Variants in MYO6 observed in about 807,000 individuals in gnomAD.
MYO6 encodes myosin VI.
A neutral mutation model predicts 178.7 loss-of-function variants in MYO6; 74 were observed. The ratio of observed to expected loss-of-function variants is 0.41; its 90% CI spans 0.34 to 0.50. MYO6 has a LOEUF of 0.50. MYO6 is among the 20% of genes least tolerant of loss of function. The pLI is 0.09. For missense variants in MYO6, 1,330 were observed against 1,547.4 expected, an observed-to-expected ratio of 0.86 and a Z score of 2.36; for synonymous variants, 477 against 504.6, an observed-to-expected ratio of 0.95 and a Z score of 0.73.
intron 16 of MYO6, among the ~76,000 whole-genome samples, chr6:75,863,505 GAC>G (rs1776379637): frequency 6.6e-6 from 1 of 150,938 alleles, no homozygotes; most frequent in South Asian, 2.1e-4. Context: ...TTTTTTTTGA[GAC>G]AGAGTTTCGC....
At chr6:75,873,333 T>C in intron 20 of MYO6, 33 bp downstream of exon 20, 1 of 1,454,994 alleles carries the variant, frequency 6.9e-7, no homozygotes, top group East Asian at 2.3e-5. Context: ...TGTGTGTTAG[T>C]AGTCATAGCT....
chr6:75,771,202 A>G (rs546820602), intron 1 of MYO6, among the ~76,000 whole-genome samples: 2 of 152,020 alleles, frequency 1.3e-5, no homozygotes, highest in African/African-American at 4.8e-5. Context: ...GGGTTTCATC[A>G]TGTTGTCCAG....
rs2149436737 is a variant in MYO6 at position 75,915,591 on chromosome 6, T to C, written c.*579T>C. The C allele has an allele frequency of 1.2e-5, 2 of 160,002 alleles. No individual in the cohort carries two copies. The highest frequency in any genetic ancestry group is 1.2e-4 in the Admixed American group (2 of 17,126). The allele number at this position is 160,002 out of a possible 1,614,324, so 9.9% of individuals were successfully genotyped here. A position where few individuals can be genotyped will look rare whatever the true frequency, so the allele number is the denominator to read the frequency against. On this transcript the variant is annotated 3_prime_UTR_variant, in exon 35 of 35. Coordinates refer to ENST00000369977, the MANE Select transcript of MYO6 (RefSeq NM_004999.4). ...AATGAAACACTTCGAAGTTCTAGAA[T>C]TCTAGAAAGAGCCTTAATGTATTTG...
At chr6:75,850,955 T>G (rs1425185436) in intron 11 of MYO6, among the ~76,000 whole-genome samples, 1 of 152,106 alleles carries the variant, frequency 6.6e-6, no homozygotes, top group African/African-American at 2.4e-5. Context: ...AATTTTTTGT[T>G]TTTTTTTGAA....
At chr6:75,888,364 C>T (rs1482805469) in intron 25 of MYO6, among the ~76,000 whole-genome samples, 1 of 152,010 alleles carries the variant, frequency 6.6e-6, no homozygotes, top group Non-Finnish European at 1.5e-5. Context: ...CCTGTAATCC[C>T]AGCACTTTGG....
In MYO6 at chr6:75,857,174, A is replaced by G; in HGVS notation, c.1301A>G (p.His434Arg). The change falls in exon 13 of 35, where the codon CAT becomes CGT. Residue 434 changes from histidine (H) to arginine (R), a missense_variant. Around this residue, in one of 3 missense-constraint regions of MYO6, gnomAD observed 613 missense variants for 816.8 expected, o/e 0.75. Coordinates refer to ENST00000369977, the MANE Select transcript of MYO6 (RefSeq NM_004999.4). ...ACAGTGTATAGCCATCTTTTTGATC[A>G]TGTGGTAAACAGAGTAAATCAGTGT... is the stretch of plus-strand genomic sequence containing the variant. The part of the protein sequence containing the change: ...AKTVYSHLFD[H>R]VVNRVNQCFP... 2 of 1,614,054 alleles carry G rather than the reference A, an allele frequency of 1.2e-6. No individual in the cohort carries two copies. The highest frequency in any genetic ancestry group is 1.7e-6 in the Non-Finnish European group (2 of 1,179,912).
At chr6:75,828,760 G>T (rs1772753974) in intron 4 of MYO6, 147 bp downstream of exon 4, 5 of 636,782 alleles carry the variant, frequency 7.9e-6, no homozygotes, top group Non-Finnish European at 1.4e-5. Context: ...TGAGGACAAA[G>T]ATTTTTTTCT....
intron 11 of MYO6, among the ~76,000 whole-genome samples, chr6:75,853,835 A>C (rs13193694): frequency 0.13 from 19,796 of 152,170 alleles, 1,360 homozygotes; most frequent in Non-Finnish European, 0.15. Flanking sequence ...AAATATAAAG[A>C]ATAGTTAATC....
At chr6:75,813,387 G>A (rs992134919) in intron 1 of MYO6, among the ~76,000 whole-genome samples, 27 of 152,180 alleles carry the variant, frequency 1.8e-4, no homozygotes, top group African/African-American at 1.2e-4. Flanking sequence ...CAGTCAGTTC[G>A]TGGTGGATGC....
Position 75,855,244 on chromosome 6 carries a change from T to G in MYO6, c.1184T>G (p.Met395Arg). The change falls in exon 12 of 35, where the codon ATG becomes AGG. Residue 395 changes from methionine to arginine, a missense_variant. Physicochemically the swap from Met to Arg is moderately conservative, Grantham distance 91. Around this residue, in one of 3 missense-constraint regions of MYO6, gnomAD observed 613 missense variants for 816.8 expected, o/e 0.75. Transcript: ENST00000369977. The part of the protein sequence containing the change: ...DLRVSLTTRV[M>R]LTTAGGTKGT... Reference sequence around the variant, plus strand: ...CGAGTAAGTTTGACCACAAGAGTCATGCTAACAACAGCAGGGGGCACCAAA... The same window carrying G: ...CGAGTAAGTTTGACCACAAGAGTCAGGCTAACAACAGCAGGGGGCACCAAA... 1.9e-6 allele frequency: 3 copies of G among 1,613,702 alleles called. No homozygotes were observed. The highest frequency in any genetic ancestry group is 2.5e-6 in the Non-Finnish European group (3 of 1,179,710).
intron 23 of MYO6, among the ~76,000 whole-genome samples, chr6:75,884,631 C>T (rs910188056): frequency 1.3e-5 from 2 of 152,118 alleles, no homozygotes; most frequent in Non-Finnish European, 2.9e-5. Context: ...AAATCAGTCT[C>T]TCTGAAAACT....
intron 20 of MYO6, among the ~76,000 whole-genome samples, chr6:75,877,051 C>T (rs1777617835): frequency 6.6e-6 from 1 of 151,408 alleles, no homozygotes; most frequent in Non-Finnish European, 1.5e-5. Flanking sequence ...CTTGGCTCAC[C>T]ACCGTAAGCT....
chr6:75,766,670 A>G (rs1452292079), intron 1 of MYO6, among the ~76,000 whole-genome samples: 1 of 152,180 alleles, frequency 6.6e-6, no homozygotes, highest in South Asian at 2.1e-4. Flanking sequence ...TTGCTCTATA[A>G]TGTGATTTTT....
chr6:75,904,097 A>G (rs376869286), intron 30 of MYO6, among the ~76,000 whole-genome samples: 1 of 152,094 alleles, frequency 6.6e-6, no homozygotes, highest in Non-Finnish European at 1.5e-5. Flanking sequence ...CAAGAGATCC[A>G]CTGTTAGTCT....
intron 9 of MYO6, among the ~76,000 whole-genome samples, chr6:75,841,608 C>A (rs1362999663): frequency 6.6e-6 from 1 of 151,990 alleles, no homozygotes; most frequent in Non-Finnish European, 1.5e-5. Flanking sequence ...GTGGGAGGAT[C>A]ACCTGAGCCC....
At chr6:75,894,205 A>G (rs1382437278) in intron 28 of MYO6, among the ~76,000 whole-genome samples, 1 of 152,174 alleles carries the variant, frequency 6.6e-6, no homozygotes, top group Admixed American at 6.5e-5. Context: ...ATACTGTCTC[A>G]TATGTGGACC....
intron 5 of MYO6, 100 bp from the exon 6 acceptor site, chr6:75,832,740 ATT>A: frequency 1.4e-6 from 1 of 709,664 alleles, no homozygotes; most frequent in South Asian, 1.6e-5. Flanking sequence ...TTGAATAGAC[ATT>A]TATGATTTCT....
At chr6:75,905,314 C>T (rs1305103862) in intron 30 of MYO6, among the ~76,000 whole-genome samples, 1 of 152,224 alleles carries the variant, frequency 6.6e-6, no homozygotes, top group Non-Finnish European at 1.5e-5. Context: ...GGCGCCCCTC[C>T]CCCAGCCTCA....
chr6:75,792,060 A>G (rs1191352007), intron 1 of MYO6, among the ~76,000 whole-genome samples: 1 of 152,192 alleles, frequency 6.6e-6, no homozygotes, highest in Non-Finnish European at 1.5e-5. Flanking sequence ...TTATGTGGCT[A>G]TGGATGAGTC....
Sources: gnomAD v4.1 joint callset for allele counts (sites outside exome capture counted in the v4.1 genomes callset) on GRCh38, gnomAD v4.1.1 for gene constraint, gnomAD v4.1.1 regional missense constraint, MANE v1.5 for transcripts, NCBI Gene and HGNC (gene_info 2026-07-23, HGNC 2026-07-21) for gene names.